Variants in PLXDC2 observed in about 807,000 individuals in gnomAD.
PLXDC2 encodes plexin domain containing 2, also known as plexin domain-containing protein 2.
A neutral mutation model predicts 68.9 loss-of-function variants in PLXDC2; 40 were observed. The ratio of observed to expected loss-of-function variants is 0.58; its 90% CI spans 0.45 to 0.76. The LOEUF is 0.76. PLXDC2 is among the 30% of genes least tolerant of loss of function. The probability of loss-of-function intolerance (pLI) is 0.00; values close to 1 mark genes in which losing one functional copy is unlikely to be tolerated. For synonymous variants in PLXDC2, 243 were observed against 234.2 expected (o/e 1.04, Z -0.34); for missense variants, 644 against 661.9 (o/e 0.97, Z 0.30).
Position 20,281,605 on chromosome 10 carries a change from A to C in PLXDC2, c.*1786A>C, listed in dbSNP as rs374198964. On this transcript the variant is annotated 3_prime_UTR_variant, in exon 14 of 14. Coordinates refer to ENST00000377252, the MANE Select transcript of PLXDC2 (RefSeq NM_032812.9). ...TCCATATATTTTGCTTTACAATTTTAAGTATTTGATGAAGATGGTAACTTT... is the reference window on the plus strand; with the variant it reads ...TCCATATATTTTGCTTTACAATTTTCAGTATTTGATGAAGATGGTAACTTT... 9 of 152,270 alleles carry C rather than the reference A, an allele frequency of 5.9e-5. No homozygotes were observed. The East Asian group carries it at 1.3e-3, about 23-fold the overall frequency. The allele number at this position is 152,270 out of a possible 1,614,324, so 9.4% of individuals were successfully genotyped here.
Position 20,284,330 on chromosome 10 carries a change from T to TATATATATATATACACAC in PLXDC2, c.*4512_*4513insTATATATATATACACACA, listed in dbSNP as rs1484131963. 3.2e-5 allele frequency: 4 copies of TATATATATATATACACAC among 126,338 alleles called. No individual in the cohort carries two copies. Among genetic ancestry groups the TATATATATATATACACAC allele is most frequent in the African/African-American group, 5.8e-5 (2 of 34,316 alleles). 7.8% of individuals were successfully genotyped at this position (126,338 alleles called of 1,614,324 possible). ...AAATATACATATATATATATATATA[T>TATATATATATATACACAC]ACACACACACACACACACACACAAA... On this transcript the variant is annotated 3_prime_UTR_variant, in exon 14 of 14. Transcript: ENST00000377252.
At chr10:20,220,613 G>GA (rs1835197115) in intron 12 of PLXDC2, among the ~76,000 whole-genome samples, 1 of 151,766 alleles carries the variant, frequency 6.6e-6, no homozygotes, top group Non-Finnish European at 1.5e-5. Flanking sequence ...AGAGACTCTG[G>GA]AAAAAAAAGT....
chr10:20,150,670 G>GT (rs1834141101), intron 6 of PLXDC2, among the ~76,000 whole-genome samples: 2 of 152,208 alleles, frequency 1.3e-5, no homozygotes, highest in African/African-American at 2.4e-5. Flanking sequence ...CGCAAGGTCA[G>GT]TAAGTTTGGA....
In PLXDC2 at chr10:20,267,809, T is replaced by A. The variant is rs75258683; in HGVS notation, c.1474-11894T>A. Among the ~76,000 whole-genome samples the A allele has an allele frequency of 6.2e-4, 95 of 152,128 alleles. 3 individuals are homozygous for A. In the East Asian group the frequency reaches 0.017, roughly 28 times the overall value. ...AAGAAGTTATTTTTATAGGTTCTAA[T>A]TGTTATATCTCAGTCATCTTGCTTT... On this transcript the variant is annotated intron_variant, in intron 13 of 13. Coordinates refer to ENST00000377252, the MANE Select transcript of PLXDC2 (RefSeq NM_032812.9).
At chr10:19,832,692 T>C (rs182447340) in intron 1 of PLXDC2, among the ~76,000 whole-genome samples, 164 of 152,216 alleles carry the variant, frequency 1.1e-3, no homozygotes, top group African/African-American at 3.8e-3. Context: ...ATATAAGGGG[T>C]GTGATTTACA....
At chr10:20,220,838 CTTT>C (rs4026632) in intron 12 of PLXDC2, among the ~76,000 whole-genome samples, 12 of 116,496 alleles carry the variant, frequency 1.0e-4, no homozygotes, top group Admixed American at 2.9e-4. Context: ...GCTCTTAACA[CTTT>C]TTTTTTTTTT....
intron 1 of PLXDC2, among the ~76,000 whole-genome samples, chr10:19,950,395 C>A (rs1344421365): frequency 1.3e-5 from 2 of 152,038 alleles, no homozygotes; most frequent in Non-Finnish European, 2.9e-5. Context: ...AAATCAAGAA[C>A]AAAATCTCAC....
At position 19,994,751 on chromosome 10, in the gene PLXDC2, T is replaced by G. The variant is rs553998392; in HGVS notation, c.113-7024T>G. Among the ~76,000 whole-genome samples the G allele has an allele frequency of 1.5e-3, 223 of 151,830 alleles. 1 individual carries two copies. Among genetic ancestry groups the G allele is most frequent in the East Asian group, 4.7e-3 (24 of 5,158 alleles). Reference sequence around the variant, plus strand: ...TTAATCATTCATTTATTGATTTTTTTTTTGTGTGTGTGACAGAGTCTCGCT... The same window carrying G: ...TTAATCATTCATTTATTGATTTTTTGTTTGTGTGTGTGACAGAGTCTCGCT... On this transcript the variant is annotated intron_variant, in intron 1 of 13. Transcript: ENST00000377252.
intron 1 of PLXDC2, among the ~76,000 whole-genome samples, chr10:19,942,700 G>A (rs2131399123): frequency 6.6e-6 from 1 of 152,250 alleles, no homozygotes; most frequent in South Asian, 2.1e-4. Flanking sequence ...GGAGGCGGAG[G>A]TAGTTGCAGT....
At chr10:19,991,779 G>A (rs1446112887) in intron 1 of PLXDC2, among the ~76,000 whole-genome samples, 1 of 152,142 alleles carries the variant, frequency 6.6e-6, no homozygotes, top group Non-Finnish European at 1.5e-5. Flanking sequence ...TTGGGTCCGA[G>A]ACATTTGCAG....
intron 1 of PLXDC2, among the ~76,000 whole-genome samples, chr10:19,975,429 G>A (rs987069553): frequency 1.3e-5 from 2 of 152,088 alleles, no homozygotes; most frequent in African/African-American, 4.8e-5. Flanking sequence ...CTGCCCTCCA[G>A]CCTGGGAGAC....
Position 19,975,443 on chromosome 10 carries a change from G to T in PLXDC2, c.113-26332G>T, listed in dbSNP as rs551048306. On this transcript the variant is annotated intron_variant, in intron 1 of 13. Transcript: ENST00000377252. ...TCTGCCCTCCAGCCTGGGAGACAGAGCGAGACTCCATCTCAAATAAATAAA... is the reference window on the plus strand; with the variant it reads ...TCTGCCCTCCAGCCTGGGAGACAGATCGAGACTCCATCTCAAATAAATAAA... Among the ~76,000 whole-genome samples, 6 of 152,222 alleles carry T rather than the reference G, an allele frequency of 3.9e-5. No individual in the cohort carries two copies. The East Asian group carries it at 1.2e-3, about 29-fold the overall frequency.
At chr10:20,023,344 T>C (rs994545170) in intron 2 of PLXDC2, among the ~76,000 whole-genome samples, 4 of 152,102 alleles carry the variant, frequency 2.6e-5, no homozygotes, top group African/African-American at 9.7e-5. Flanking sequence ...CTCGATGTCA[T>C]AAATACCTTA....
intron 13 of PLXDC2, among the ~76,000 whole-genome samples, chr10:20,261,779 G>A (rs528588033): frequency 2.1e-4 from 32 of 152,224 alleles, no homozygotes; most frequent in Admixed American, 1.3e-3. Context: ...GCTTGAACCC[G>A]GGAGGCGGAG....
intron 9 of PLXDC2, among the ~76,000 whole-genome samples, chr10:20,192,781 A>G (rs1351825680): frequency 6.6e-6 from 1 of 152,118 alleles, no homozygotes; most frequent in Non-Finnish European, 1.5e-5. Context: ...TTTAGTATGC[A>G]AACATACACC....
chr10:20,194,630 A>G (rs893025040), intron 9 of PLXDC2, among the ~76,000 whole-genome samples: 4 of 151,622 alleles, frequency 2.6e-5, no homozygotes, highest in Admixed American at 2.0e-4. Context: ...TTTGAGGTAA[A>G]TTTATTTTAT....
chr10:20,105,334 A>G (rs1157324463), intron 4 of PLXDC2, among the ~76,000 whole-genome samples: 1 of 152,220 alleles, frequency 6.6e-6, no homozygotes, highest in African/African-American at 2.4e-5. Context: ...CACAATGTAC[A>G]ATGTCATTTC....
chr10:19,861,421 T>A (rs796544491), intron 1 of PLXDC2, among the ~76,000 whole-genome samples: 7 of 152,216 alleles, frequency 4.6e-5, no homozygotes, highest in African/African-American at 1.7e-4. Context: ...CTGATTGGTC[T>A]TTCCAAAAAT....
intron 1 of PLXDC2, among the ~76,000 whole-genome samples, chr10:19,818,950 G>C (rs183577287): frequency 1.4e-5 from 2 of 144,282 alleles, no homozygotes; most frequent in African/African-American, 5.1e-5. Context: ...TTGCAGTAAA[G>C]GAAAAAAAAA....
Sources: allele counts gnomAD v4.1 joint callset (sites outside exome capture counted in the v4.1 genomes callset), GRCh38; gene constraint gnomAD v4.1.1; transcripts MANE v1.5; gene names NCBI Gene and HGNC (gene_info 2026-07-23, HGNC 2026-07-21).